ANGPT2: variants seen among roughly 807,000 people sequenced by gnomAD.
ANGPT2 encodes the protein angiopoietin-2.
In ANGPT2, 28 loss-of-function variants were observed where a neutral mutation model predicts 62.9. The observed-to-expected ratio is 0.44, with a 90% CI of 0.33 to 0.61. The LOEUF (loss-of-function observed/expected upper bound fraction) is 0.61. Among genes scored for constraint, ANGPT2 ranks in the 20% least tolerant of loss-of-function variants. ANGPT2 has a pLI of 0.03. For missense variants in ANGPT2, 727 were observed against 594.9 expected, an observed-to-expected ratio of 1.22 and a Z score of -2.31; for synonymous variants, 284 against 207.8, an observed-to-expected ratio of 1.37 and a Z score of -3.15.
intron 1 of ANGPT2, among the ~76,000 whole-genome samples, chr8:6,550,697 T>C (rs1157430281): frequency 2.0e-5 from 3 of 152,210 alleles, no homozygotes; most frequent in Non-Finnish European, 4.4e-5. Context: ...TCTGTTTTAT[T>C]GTAAGAGGCT....
At position 6,500,673 on chromosome 8, in the gene ANGPT2, A is replaced by T. The variant is rs1811986132; in HGVS notation, c.*2428T>A. The T allele has an allele frequency of 6.6e-6, 1 of 152,174 alleles. No individual in the cohort carries two copies. The highest frequency in any genetic ancestry group is 1.5e-5 in the Non-Finnish European group (1 of 68,042). 9.4% of individuals were successfully genotyped at this position (152,174 alleles called of 1,614,324 possible). A position where few individuals can be genotyped will look rare whatever the true frequency, so the allele number is the denominator to read the frequency against. ...GGGTTGTTTTGTTTTCATTTTTAAG[A>T]TTACTGTTTGATTTCCTTTCAGCTT... is the stretch of plus-strand genomic sequence containing the variant. On this transcript the variant is annotated 3_prime_UTR_variant, in exon 9 of 9. Coordinates refer to ENST00000629816, the MANE Select transcript of ANGPT2 (RefSeq NM_001118887.2).
chr8:6,519,833 G>A (rs1226270980), intron 5 of ANGPT2, 31 bp downstream of exon 5: 1 of 1,610,626 alleles, frequency 6.2e-7, no homozygotes, highest in African/African-American at 1.3e-5. Context: ...CCTAGAGCCA[G>A]GGAGTTAGTA....
chr8:6,506,026 AAC>A (rs1457243266), intron 8 of ANGPT2, among the ~76,000 whole-genome samples: 1 of 145,600 alleles, frequency 6.9e-6, no homozygotes, highest in African/African-American at 2.5e-5. Flanking sequence ...TATATATAAA[AAC>A]ATATATATAT....
Position 6,500,266 on chromosome 8 carries a change from A to T in ANGPT2, c.*2835T>A, listed in dbSNP as rs1054937310. ...ATGTTTTTACTGTTAATAGAAATAG[A>T]ACTGATAGGTATAAAGATTATGGCT... On this transcript the variant is annotated 3_prime_UTR_variant, in exon 9 of 9. Coordinates refer to ENST00000629816, the MANE Select transcript of ANGPT2 (RefSeq NM_001118887.2). 1.9e-5 allele frequency: 6 copies of T among 315,548 alleles called. No individual in the cohort carries two copies. The highest frequency in any genetic ancestry group is 1.3e-4 in the African/African-American group (6 of 46,392). The allele number at this position is 315,548 out of a possible 1,614,324, so 19.5% of individuals were successfully genotyped here.
chr8:6,533,589 T>C (rs868373977), intron 1 of ANGPT2, among the ~76,000 whole-genome samples: 11 of 147,624 alleles, frequency 7.5e-5, no homozygotes, highest in African/African-American at 2.8e-4. Context: ...TTTTTTTTTT[T>C]TTTAAATAAT....
At chr8:6,538,006 G>A (rs1358122219) in intron 1 of ANGPT2, among the ~76,000 whole-genome samples, 1 of 152,116 alleles carries the variant, frequency 6.6e-6, no homozygotes, top group Non-Finnish European at 1.5e-5. Context: ...GAATTTTCTG[G>A]TAAATTAACA....
Position 6,509,032 on chromosome 8 carries a change from G to C in ANGPT2, c.1227C>G (p.Ala409=), listed in dbSNP as rs61733315. 1.1e-5 allele frequency: 18 copies of C among 1,614,006 alleles called. 1 individual carries two copies. The African/African-American group carries it at 2.4e-4, about 22-fold the overall frequency. ...RIHLKGLTGT[A]GKISSISQPG... ...GTTGGCTGATGCTGCTTATTTTGCC[G>C]GCTGTCCCTGTAAGTCCTTTAAGGT... is the stretch of plus-strand genomic sequence containing the variant. The change falls in exon 8 of 9, where the codon GCC becomes GCG. Residue 409 remains alanine (A), a synonymous_variant. Coordinates refer to ENST00000629816, the MANE Select transcript of ANGPT2 (RefSeq NM_001118887.2).
intron 2 of ANGPT2, among the ~76,000 whole-genome samples, chr8:6,531,237 C>G (rs978507426): frequency 1.3e-5 from 2 of 151,314 alleles, no homozygotes; most frequent in African/African-American, 4.9e-5. Flanking sequence ...GAATTTTCTT[C>G]TTTTGAAATT....
At chr8:6,526,112 T>C (rs569393048) in intron 3 of ANGPT2, among the ~76,000 whole-genome samples, 19 of 152,130 alleles carry the variant, frequency 1.2e-4, no homozygotes, top group Non-Finnish European at 4.4e-5. Flanking sequence ...AGAACATTAC[T>C]AAGTAAGACT....
At chr8:6,552,353 G>A (rs947719935) in intron 1 of ANGPT2, among the ~76,000 whole-genome samples, 2 of 152,182 alleles carry the variant, frequency 1.3e-5, no homozygotes, top group African/African-American at 4.8e-5. Context: ...CAGTACTGGA[G>A]CAGTTTCCAC....
intron 1 of ANGPT2, among the ~76,000 whole-genome samples, chr8:6,551,928 A>G (rs1354983186): frequency 6.6e-6 from 1 of 152,176 alleles, no homozygotes; most frequent in Non-Finnish European, 1.5e-5. Context: ...ATTTTTTGAG[A>G]TTCCAAAGAC....
rs59299448 is a variant in ANGPT2, at chr8:6,559,230, A to AACACACACACACACACACACAC, written c.288+3395_288+3416dup. ...TGAGTGTTTTGTAGCCACACACGACAACACACACACACACACACACACACA... is the reference window on the plus strand; with the variant it reads ...TGAGTGTTTTGTAGCCACACACGACAACACACACACACACACACACACACACACACACACACACACACACACA... On this transcript the variant is annotated intron_variant, in intron 1 of 8. Coordinates refer to ENST00000629816, the MANE Select transcript of ANGPT2 (RefSeq NM_001118887.2). Among the ~76,000 whole-genome samples the AACACACACACACACACACACAC allele has an allele frequency of 8.8e-4, 129 of 146,834 alleles. 1 individual carries two copies. The highest frequency in any genetic ancestry group is 3.2e-3 in the Admixed American group (47 of 14,704).
At chr8:6,537,745 A>G (rs1820770102) in intron 1 of ANGPT2, among the ~76,000 whole-genome samples, 1 of 152,116 alleles carries the variant, frequency 6.6e-6, no homozygotes, top group Non-Finnish European at 1.5e-5. Context: ...GATTGTCATC[A>G]TTATTTTTTA....
chr8:6,552,779 A>G (rs1195289067), intron 1 of ANGPT2, among the ~76,000 whole-genome samples: 1 of 152,038 alleles, frequency 6.6e-6, no homozygotes, highest in East Asian at 1.9e-4. Context: ...AATTAAGGCA[A>G]GAGATCACTC....
chr8:6,523,116 G>C (rs1817674144), intron 3 of ANGPT2, among the ~76,000 whole-genome samples: 1 of 151,932 alleles, frequency 6.6e-6, no homozygotes, highest in Non-Finnish European at 1.5e-5. Context: ...TCCTGCCTCA[G>C]TCTCCCGAGT....
chr8:6,504,042 G>A (rs1175576641), intron 8 of ANGPT2, among the ~76,000 whole-genome samples: 1 of 152,228 alleles, frequency 6.6e-6, no homozygotes, highest in Non-Finnish European at 1.5e-5. Flanking sequence ...GCAGGGGCCG[G>A]GCGCAGTGGC....
At chr8:6,518,687 C>G (rs1022111118) in intron 5 of ANGPT2, among the ~76,000 whole-genome samples, 2 of 152,092 alleles carry the variant, frequency 1.3e-5, no homozygotes, top group African/African-American at 4.8e-5. Flanking sequence ...CCAAGAGCCT[C>G]GAAAATTTCC....
rs147684354 is a variant in ANGPT2, at chr8:6,503,068, G to T, written c.*33C>A. 10 of 1,612,878 alleles carry T rather than the reference G, an allele frequency of 6.2e-6. No individual in the cohort carries two copies. The African/African-American group carries it at 1.3e-4, about 21-fold the overall frequency. ...CACTGGGCTTAAGTCTTTGAAAATA[G>T]TTCGAGACAGTTCCTCAGGTGGACT... On this transcript the variant is annotated 3_prime_UTR_variant, in exon 9 of 9. Coordinates refer to ENST00000629816, the MANE Select transcript of ANGPT2 (RefSeq NM_001118887.2).
chr8:6,522,762 A>G (rs1817609449), intron 3 of ANGPT2, among the ~76,000 whole-genome samples: 1 of 150,002 alleles, frequency 6.7e-6, no homozygotes, highest in African/African-American at 2.5e-5. Flanking sequence ...CAACAGAGCG[A>G]GACATCGTCT....
Sources: allele counts gnomAD v4.1 joint callset (sites outside exome capture counted in the v4.1 genomes callset), GRCh38; gene constraint gnomAD v4.1.1; transcripts MANE v1.5; gene names NCBI Gene and HGNC (gene_info 2026-07-23, HGNC 2026-07-21).